EXTL1: variants seen among roughly 807,000 people sequenced by gnomAD.
The protein encoded by EXTL1 is exostosin like glycosyltransferase 1, also known as exostosin-like 1.
EXTL1 carries 43 observed loss-of-function variants against 64.6 expected under a neutral mutation model. That is an observed-to-expected ratio of 0.67 (90% CI 0.52 to 0.86). EXTL1 has a LOEUF of 0.86. Ranked by LOEUF, EXTL1 falls within the 40% of genes least tolerant of loss-of-function variation. EXTL1 has a pLI of 0.00. For synonymous variants in EXTL1, 352 were observed against 360.5 expected, an observed-to-expected ratio of 0.98 and a Z score of 0.27; for missense variants, 766 against 879.0, an observed-to-expected ratio of 0.87 and a Z score of 1.62.
Position 26,023,343 on chromosome 1 carries a change from A to G in EXTL1, c.697A>G (p.Arg233Gly). 1.3e-6 allele frequency: 2 copies of G among 1,510,358 alleles called. No individual in the cohort carries two copies. Among genetic ancestry groups the G allele is most frequent in the South Asian group, 1.3e-5 (1 of 75,818 alleles). 93.6% of individuals were successfully genotyped at this position (1,510,358 alleles called of 1,614,324 possible). ...AGCCCTGCTAGCCCTGGAAGAGGAG[A>G]GGGGTGGGTGGCGCACAGCAGACAC... is the stretch of plus-strand genomic sequence containing the variant. ...GVALLALEEE[R>G]GGWRTADTGS... The change falls in exon 1 of 11, where the codon AGG becomes GGG. Residue 233 changes from arginine (R) to glycine (G), a missense_variant. Coordinates refer to ENST00000374280, the MANE Select transcript of EXTL1 (RefSeq NM_004455.3).
At chr1:26,026,316 C>T (rs1323398446) in intron 1 of EXTL1, among the ~76,000 whole-genome samples, 1 of 121,236 alleles carries the variant, frequency 8.2e-6, no homozygotes, top group Non-Finnish European at 1.7e-5. Flanking sequence ...TTTTTTGAGA[C>T]AAAGTCTTTC....
At chr1:26,032,765 A>G (rs2050301879) in intron 7 of EXTL1, among the ~76,000 whole-genome samples, 1 of 152,180 alleles carries the variant, frequency 6.6e-6, no homozygotes, top group Admixed American at 6.5e-5. Context: ...TTCTTGAGAA[A>G]ATACGGACCA....
chr1:26,029,184 C>A lies in EXTL1; in HGVS notation c.780-9C>A, dbSNP rs771752598. The A allele has an allele frequency of 2.5e-6, 4 of 1,608,582 alleles. No individual in the cohort carries two copies. Reference sequence around the variant, plus strand: ...ATGTGTGGTGGGACCTCCCCATGTGCCTCTTTAGGACCCAGCGCCAGGAGA... The same window carrying A: ...ATGTGTGGTGGGACCTCCCCATGTGACTCTTTAGGACCCAGCGCCAGGAGA... On this transcript the variant is annotated splice_polypyrimidine_tract_variant and intron_variant, in intron 1 of 10. Coordinates refer to ENST00000374280, the MANE Select transcript of EXTL1 (RefSeq NM_004455.3).
At position 26,031,261 on chromosome 1, in the gene EXTL1, C is replaced by G; in HGVS notation, c.1231C>G (p.Gln411Glu). 1.9e-6 allele frequency: 3 copies of G among 1,613,474 alleles called. No individual in the cohort carries two copies. The highest frequency in any genetic ancestry group is 1.3e-5 in the African/African-American group (1 of 75,054). Residue 411 changes from glutamine (Q) to glutamate (E), a missense_variant, in exon 5 of 11, where the codon CAG becomes GAG. Gln to Glu is a conservative substitution (Grantham distance 29). This residue lies in a region of EXTL1 where 571 missense variants were observed against 647.6 expected (regional missense o/e 0.88). Transcript: ENST00000374280. ...PQDFPFYYLQ[Q>E]GSRPEGRFSA... ...GGACTTCCCCTTCTACTACCTGCAA[C>G]AGGGTATGCCCTGGGGATGGGACAA...
intron 1 of EXTL1, among the ~76,000 whole-genome samples, chr1:26,026,695 A>T (rs535252909): frequency 2.6e-5 from 4 of 152,322 alleles, no homozygotes; most frequent in African/African-American, 9.6e-5. Context: ...CAAAGTGCCT[A>T]GTAGGGCACA....
chr1:26,030,349 TTGA>T, intron 3 of EXTL1, 124 bp from the exon 4 acceptor site: 5 of 631,202 alleles, frequency 7.9e-6, no homozygotes, highest in South Asian at 4.8e-5. Context: ...TTTTTTTTTT[TTGA>T]GATAGGATCT....
In EXTL1 at chr1:26,033,328, C is replaced by T. The variant is rs968706531; in HGVS notation, c.1518+13C>T. 2 of 1,610,272 alleles carry T rather than the reference C, an allele frequency of 1.2e-6. No individual in the cohort carries two copies. The highest frequency in any genetic ancestry group is 1.3e-5 in the African/African-American group (1 of 74,814). On this transcript the variant is annotated intron_variant, in intron 8 of 10. Coordinates refer to ENST00000374280, the MANE Select transcript of EXTL1 (RefSeq NM_004455.3). The surrounding 1 kb of genome is among the most constrained non-coding windows in gnomAD (Gnocchi z 5.1). ...TTCCACAAGTGAGGTGAGGGCTGGG[C>T]CCAAGAGAAGCCCAGTGTGGGTAGA...
rs763494626 is a variant in EXTL1, at chr1:26,035,211, C to T, written c.1895C>T (p.Pro632Leu). ...AGGCCAAAGCCGCCTGCCCCAGCCC[C>T]CGACTGCATCAACCAGATAGCGGCA... ...GPRPKPPAPA[P>L]DCINQIAAAF... The change falls in exon 11 of 11, where the codon CCC (proline) becomes CTC (leucine). Residue 632 changes from proline to leucine, a missense_variant. Around this residue, in one of 3 missense-constraint regions of EXTL1, gnomAD observed 194 missense variants for 214.5 expected, o/e 0.90. Transcript: ENST00000374280. This position sits in a 1 kb window ranked among gnomAD's most constrained non-coding sequence, Gnocchi z 5.3. 5.0e-6 allele frequency: 8 copies of T among 1,612,820 alleles called. No homozygotes were observed. Among genetic ancestry groups the T allele is most frequent in the Non-Finnish European group, 6.8e-6 (8 of 1,179,464 alleles).
In EXTL1 at chr1:26,023,109, A is replaced by G; in HGVS notation, c.463A>G (p.Arg155Gly). 1 of 1,613,758 alleles carries G rather than the reference A, an allele frequency of 6.2e-7. No individual in the cohort carries two copies. The highest frequency in any genetic ancestry group is 1.1e-5 in the South Asian group (1 of 91,042). ...CAGCTCAATGCCTCTGCAATGGAACAGGGGCAGGAACCATCTGGTCCTCCG... is the reference window on the plus strand; with the variant it reads ...CAGCTCAATGCCTCTGCAATGGAACGGGGGCAGGAACCATCTGGTCCTCCG... ...ECSSMPLQWN[R>G]GRNHLVLRLH... is the part of the protein sequence containing the mutation. The change falls in exon 1 of 11, where the codon AGG becomes GGG. Residue 155 changes from arginine (R) to glycine (G), a missense_variant. Physicochemically the swap from Arg to Gly is moderately radical, Grantham distance 125 (BLOSUM62 -2). This residue lies in a region of EXTL1 where 571 missense variants were observed against 647.6 expected (regional missense o/e 0.88). Transcript: ENST00000374280.
Position 26,032,459 on chromosome 1 carries a change from T to C in EXTL1, c.1405T>C (p.Leu469=), listed in dbSNP as rs115356381. 2.8e-4 allele frequency: 438 copies of C among 1,552,448 alleles called. No homozygotes were observed. The African/African-American group carries it at 5.1e-3, about 18-fold the overall frequency. The change falls in exon 7 of 11, where the codon TTG becomes CTG. Residue 469 remains leucine (L), a synonymous_variant. Transcript: ENST00000374280. ...PSRWPETAVP[L]TVIDGHRKVS... is the part of the protein sequence containing the mutation. ...CAGGTGGCCGGAGACAGCTGTGCCC[T>C]TGACAGTCATTGATGGGCACAGGAA...
rs553733162 is a variant in EXTL1 at position 26,035,921 on chromosome 1, G to A, written c.*574G>A. ...GACAGAACTGTCCCCGCCCCACCCC[G>A]CCACCCATTCCTAGGGTTCCTAGTC... is the stretch of plus-strand genomic sequence containing the variant. On this transcript the variant is annotated 3_prime_UTR_variant, in exon 11 of 11. Coordinates refer to ENST00000374280, the MANE Select transcript of EXTL1 (RefSeq NM_004455.3). This position sits in a 1 kb window ranked among gnomAD's most constrained non-coding sequence, Gnocchi z 5.3. 3.6e-3 allele frequency: 550 copies of A among 152,580 alleles called. 6 individuals carry two copies. The highest frequency in any genetic ancestry group is 3.6e-3 in the Non-Finnish European group (245 of 68,078). 9.5% of individuals were successfully genotyped at this position (152,580 alleles called of 1,614,324 possible).
In EXTL1 at chr1:26,022,845, G is replaced by A. The variant is rs1302754920; in HGVS notation, c.199G>A (p.Asp67Asn). The change falls in exon 1 of 11, where the codon GAT (aspartate) becomes AAT (asparagine). Residue 67 changes from aspartate to asparagine, a missense_variant. Physicochemically the swap from Asp to Asn is conservative, Grantham distance 23. This residue lies in a region of EXTL1 where 571 missense variants were observed against 647.6 expected (regional missense o/e 0.88). Coordinates refer to ENST00000374280, the MANE Select transcript of EXTL1 (RefSeq NM_004455.3). ...CTCCCAGCCTGGAGAGCTCCCAGAA[G>A]ATGCCGTTTCACCTCCTCAAGCCCC... ...SFSQPGELPE[D>N]AVSPPQAPHG... 6.2e-7 allele frequency: 1 copy of A among 1,614,090 alleles called. No individual in the cohort carries two copies. The highest frequency in any genetic ancestry group is 1.7e-5 in the Admixed American group (1 of 60,020).
At position 26,022,405 on chromosome 1, in the gene EXTL1, A is replaced by G. The variant is rs2050159781; in HGVS notation, c.-242A>G. Reference sequence around the variant, plus strand: ...CAAAGGCCGAGAAGGCAGAGTCCTGAGAGCAGGGGGGCCAGGCCAGCAAGC... The same window carrying G: ...CAAAGGCCGAGAAGGCAGAGTCCTGGGAGCAGGGGGGCCAGGCCAGCAAGC... On this transcript the variant is annotated 5_prime_UTR_variant, in exon 1 of 11. Transcript: ENST00000374280. The G allele has an allele frequency of 1.0e-5, 5 of 481,164 alleles. 1 individual carries two copies. The highest frequency in any genetic ancestry group is 1.1e-3 in the Middle Eastern group (2 of 1,904). 29.8% of individuals were successfully genotyped at this position (481,164 alleles called of 1,614,324 possible). A position where few individuals can be genotyped will look rare whatever the true frequency, so the allele number is the denominator to read the frequency against.
intron 1 of EXTL1, among the ~76,000 whole-genome samples, chr1:26,027,633 A>C (rs1189880202): frequency 6.8e-6 from 1 of 146,596 alleles, no homozygotes; most frequent in Admixed American, 6.9e-5. Context: ...AGGCAGGAGG[A>C]TCACTTGAGG....
intron 1 of EXTL1, among the ~76,000 whole-genome samples, chr1:26,027,497 C>T (rs940810692): frequency 1.8e-4 from 27 of 151,972 alleles, no homozygotes; most frequent in African/African-American, 6.3e-4. Flanking sequence ...GTAGAGAAAG[C>T]CATCTCTGGA....
rs956002277 is a variant in EXTL1 at position 26,035,661 on chromosome 1, C to G, written c.*314C>G. The G allele has an allele frequency of 1.6e-5, 5 of 303,688 alleles. No homozygotes were observed. The highest frequency in any genetic ancestry group is 6.5e-5 in the African/African-American group (3 of 46,508). The allele number at this position is 303,688 out of a possible 1,614,324, so 18.8% of individuals were successfully genotyped here. A position where few individuals can be genotyped will look rare whatever the true frequency, so the allele number is the denominator to read the frequency against. ...CAGGGACTTGCCTGGCCCTCCTCCC[C>G]CTCCGCCCCCAATGGGTTCGGTCTC... On this transcript the variant is annotated 3_prime_UTR_variant, in exon 11 of 11. Transcript: ENST00000374280. This position sits in a 1 kb window ranked among gnomAD's most constrained non-coding sequence, Gnocchi z 5.3.
Position 26,035,414 on chromosome 1 carries a change from G to A in EXTL1, c.*67G>A. ...CTCCCAGGGGGCCCGGCGCCTGCCG[G>A]CGGGCTCCGCTCTTGGGACACCGGA... On this transcript the variant is annotated 3_prime_UTR_variant, in exon 11 of 11. Coordinates refer to ENST00000374280, the MANE Select transcript of EXTL1 (RefSeq NM_004455.3). The surrounding 1 kb of genome is among the most constrained non-coding windows in gnomAD (Gnocchi z 5.3). 1 of 1,435,116 alleles carries A rather than the reference G, an allele frequency of 7.0e-7. No homozygotes were observed. Among genetic ancestry groups the A allele is most frequent in the African/African-American group, 1.4e-5 (1 of 69,936 alleles). 88.9% of individuals were successfully genotyped at this position (1,435,116 alleles called of 1,614,324 possible). A position where few individuals can be genotyped will look rare whatever the true frequency, so the allele number is the denominator to read the frequency against.
At chr1:26,032,784 A>C (rs1440395377) in intron 7 of EXTL1, among the ~76,000 whole-genome samples, 3 of 152,196 alleles carry the variant, frequency 2.0e-5, no homozygotes, top group Admixed American at 6.5e-5. Flanking sequence ...CAAGGGCAGC[A>C]CACGGGGCCA....
rs777512801 is a variant in EXTL1 at position 26,034,889 on chromosome 1, C to A, written c.1733C>A (p.Ala578Glu). 19 of 1,614,076 alleles carry A rather than the reference C, an allele frequency of 1.2e-5. No homozygotes were observed. Among genetic ancestry groups the A allele is most frequent in the Non-Finnish European group, 1.6e-5 (19 of 1,180,034 alleles). ...HSLPKALRTL[A>E]DEAPTCVDVL... ...CTGCCCAAGGCTCTGAGGACCCTGGCAGATGAGGCACCCACCTGTGTGGAC... is the reference window on the plus strand; with the variant it reads ...CTGCCCAAGGCTCTGAGGACCCTGGAAGATGAGGCACCCACCTGTGTGGAC... The change falls in exon 10 of 11, where the codon GCA becomes GAA. Residue 578 changes from alanine (A) to glutamate (E), a missense_variant. Coordinates refer to ENST00000374280, the MANE Select transcript of EXTL1 (RefSeq NM_004455.3). This position sits in a 1 kb window ranked among gnomAD's most constrained non-coding sequence, Gnocchi z 4.6.
Sources: allele counts gnomAD v4.1 joint callset (sites outside exome capture counted in the v4.1 genomes callset), GRCh38; gene constraint gnomAD v4.1.1; regional missense constraint gnomAD v4.1.1; non-coding constraint Gnocchi (gnomAD v3.1); transcripts MANE v1.5; gene names NCBI Gene and HGNC (gene_info 2026-07-23, HGNC 2026-07-21).